BBS9: variants seen among roughly 807,000 people sequenced by gnomAD.
The protein encoded by BBS9 is protein PTHB1.
Under a neutral mutation model 117.7 loss-of-function variants are expected in BBS9, and 89 were observed. The observed-to-expected ratio is 0.76, with a 90% confidence interval of 0.64 to 0.90. The LOEUF is 0.90. Ranked by LOEUF, BBS9 falls within the 40% of genes least tolerant of loss-of-function variation. BBS9 has a pLI of 0.00. For missense variants in BBS9, 982 were observed against 1,042.2 expected (o/e 0.94, Z 0.80); for synonymous variants, 379 against 370.9 (o/e 1.02, Z -0.25).
chr7:33,172,410 A>G (rs1379929622), intron 4 of BBS9, among the ~76,000 whole-genome samples: 3 of 151,954 alleles, frequency 2.0e-5, no homozygotes, highest in Non-Finnish European at 4.4e-5. Context: ...AAAAAAATGA[A>G]AAGAACACGA....
At chr7:33,161,691 G>T (rs1202455266) in intron 4 of BBS9, among the ~76,000 whole-genome samples, 4 of 152,172 alleles carry the variant, frequency 2.6e-5, no homozygotes, top group Admixed American at 6.5e-5. Flanking sequence ...TTGAGGAATT[G>T]CCACACTGCC....
At chr7:33,191,948 T>C (rs1562770870) in intron 5 of BBS9, among the ~76,000 whole-genome samples, 1 of 141,102 alleles carries the variant, frequency 7.1e-6, no homozygotes, top group African/African-American at 2.6e-5. Context: ...TATGTACCGG[T>C]AAAAAAAAAA....
At chr7:33,295,154 T>G (rs1804991723) in intron 9 of BBS9, among the ~76,000 whole-genome samples, 1 of 152,178 alleles carries the variant, frequency 6.6e-6, no homozygotes, top group African/African-American at 2.4e-5. Context: ...AGCATACGTA[T>G]TCTACCTATT....
intron 19 of BBS9, among the ~76,000 whole-genome samples, chr7:33,470,759 C>T (rs1453040689): frequency 1.3e-5 from 2 of 152,100 alleles, no homozygotes; most frequent in African/African-American, 4.8e-5. Context: ...CACAAAGCAA[C>T]ACATGAATAA....
chr7:33,184,109 G>A (rs1354882353), intron 5 of BBS9, among the ~76,000 whole-genome samples: 1 of 151,964 alleles, frequency 6.6e-6, no homozygotes, highest in Admixed American at 6.6e-5. Flanking sequence ...GAGAGAGAGA[G>A]AGAGAGAGAG....
At chr7:33,177,686 A>G in intron 5 of BBS9, 95 bp downstream of exon 5, 4 of 905,080 alleles carry the variant, frequency 4.4e-6, no homozygotes, top group Non-Finnish European at 7.2e-6. Flanking sequence ...TGACTCTCAG[A>G]AAGAGTTAAA....
chr7:33,533,888 T>C (rs535513350), intron 20 of BBS9, 66 bp from the exon 21 acceptor site: 570 of 1,520,354 alleles, frequency 3.7e-4, no homozygotes, highest in Non-Finnish European at 4.5e-4. Context: ...ATCTGTATAA[T>C]ACATCAAGTG....
At chr7:33,240,447 G>A (rs1206968163) in intron 5 of BBS9, among the ~76,000 whole-genome samples, 1 of 151,894 alleles carries the variant, frequency 6.6e-6, no homozygotes, top group East Asian at 1.9e-4. Context: ...GTAGAGATGA[G>A]GTCTTGCTGT....
intron 20 of BBS9, among the ~76,000 whole-genome samples, chr7:33,507,144 A>T (rs1846253542): frequency 6.6e-6 from 1 of 152,224 alleles, no homozygotes; most frequent in Non-Finnish European, 1.5e-5. Flanking sequence ...AGTGCTAAAG[A>T]TTAGCAATCA....
intron 10 of BBS9, among the ~76,000 whole-genome samples, chr7:33,338,944 G>A (rs575328372): frequency 6.6e-6 from 1 of 152,250 alleles, no homozygotes; most frequent in Non-Finnish European, 1.5e-5. Flanking sequence ...GTAAGACGTG[G>A]GGATATAAAT....
intron 19 of BBS9, among the ~76,000 whole-genome samples, chr7:33,473,451 C>T (rs2128959443): frequency 6.6e-6 from 1 of 151,960 alleles, no homozygotes; most frequent in South Asian, 2.1e-4. Context: ...AGCCTCCCAA[C>T]TAGCTGGGAT....
At chr7:33,220,676 T>C (rs1049461861) in intron 5 of BBS9, among the ~76,000 whole-genome samples, 36 of 152,246 alleles carry the variant, frequency 2.4e-4, no homozygotes, top group African/African-American at 8.2e-4. Context: ...CATTCCTTTA[T>C]ACATATATTA....
At chr7:33,464,993 A>G (rs1489082578) in intron 19 of BBS9, among the ~76,000 whole-genome samples, 1 of 151,780 alleles carries the variant, frequency 6.6e-6, no homozygotes, top group East Asian at 1.9e-4. Context: ...CATTCTTTTT[A>G]ACTATTTACT....
intron 5 of BBS9, among the ~76,000 whole-genome samples, chr7:33,207,559 T>C (rs1314649254): frequency 6.6e-5 from 10 of 151,938 alleles, no homozygotes; most frequent in Non-Finnish European, 1.3e-4. Context: ...TTGTTAGCAT[T>C]TCTTTACTTT....
At chr7:33,220,428 G>T (rs750884648) in intron 5 of BBS9, among the ~76,000 whole-genome samples, 5 of 152,214 alleles carry the variant, frequency 3.3e-5, no homozygotes, top group Non-Finnish European at 1.5e-5. Flanking sequence ...GTTATTTCCA[G>T]TCGACCCGCA....
intron 19 of BBS9, among the ~76,000 whole-genome samples, chr7:33,446,659 T>G (rs1837043578): frequency 6.6e-6 from 1 of 152,244 alleles, no homozygotes; most frequent in Admixed American, 6.5e-5. Context: ...CTTGCCATTT[T>G]CATTGTCTTA....
rs10243590 is a variant in BBS9, at chr7:33,382,537, A to C, written c.1790-1129A>C. 8.5e-3 allele frequency among the ~76,000 whole-genome samples: 1,288 copies of C among 152,136 alleles called. 22 individuals are homozygous for C. Among genetic ancestry groups the C allele is most frequent in the South Asian group, 0.045 (219 of 4,822 alleles). ...AATCTTGGAAGTTATATAAGAATGCATGGTTTTACGTAGTTAAGTGCCTAG... is the reference window on the plus strand; with the variant it reads ...AATCTTGGAAGTTATATAAGAATGCCTGGTTTTACGTAGTTAAGTGCCTAG... On this transcript the variant is annotated intron_variant, in intron 17 of 22. Transcript: ENST00000242067.
chr7:33,468,878 A>G (rs1158485834), intron 19 of BBS9, among the ~76,000 whole-genome samples: 3 of 152,122 alleles, frequency 2.0e-5, no homozygotes, highest in East Asian at 1.9e-4. Flanking sequence ...TTGTGTATAT[A>G]TATCATATTT....
chr7:33,354,769 G>A (rs1430377608), intron 15 of BBS9, among the ~76,000 whole-genome samples: 1 of 151,972 alleles, frequency 6.6e-6, no homozygotes, highest in African/African-American at 2.4e-5. Flanking sequence ...CTTCCTGGAA[G>A]TAAAATGTTC....
Sources: gnomAD v4.1 joint callset for allele counts (sites outside exome capture counted in the v4.1 genomes callset) on GRCh38, gnomAD v4.1.1 for gene constraint, MANE v1.5 for transcripts, NCBI Gene and HGNC (gene_info 2026-07-23, HGNC 2026-07-21) for gene names.